AGBL4: variants seen among roughly 807,000 people sequenced by gnomAD.
AGBL4 encodes AGBL carboxypeptidase 4, also known as cytosolic carboxypeptidase 6.
Under a neutral mutation model 66.4 loss-of-function variants are expected in AGBL4, and 58 were observed. The ratio of observed to expected loss-of-function variants is 0.87; its 90% CI spans 0.71 to 1.09. The LOEUF is 1.09. Among genes scored for constraint, AGBL4 ranks in the 50% least tolerant of loss-of-function variants. The probability of loss-of-function intolerance (pLI) is 0.00; values close to 1 mark genes in which losing one functional copy is unlikely to be tolerated. For missense variants in AGBL4, 579 were observed against 631.0 expected (o/e 0.92, Z 0.88); for synonymous variants, 234 against 222.9 (o/e 1.05, Z -0.44).
chr1:48,916,007 T>C (rs1653553931), intron 5 of AGBL4, among the ~76,000 whole-genome samples: 1 of 151,624 alleles, frequency 6.6e-6, no homozygotes, highest in Non-Finnish European at 1.5e-5. Context: ...CTAGAGAGAG[T>C]GGAAGAAAGT....
chr1:49,566,450 T>G (rs1467445540), intron 3 of AGBL4, among the ~76,000 whole-genome samples: 1 of 152,192 alleles, frequency 6.6e-6, no homozygotes, highest in Admixed American at 6.5e-5. Flanking sequence ...TGGTCTTTGA[T>G]GATGGTAATG....
At chr1:49,354,898 G>A (rs1273892987) in intron 3 of AGBL4, among the ~76,000 whole-genome samples, 6 of 152,198 alleles carry the variant, frequency 3.9e-5, no homozygotes, top group Non-Finnish European at 8.8e-5. Context: ...TGTAGCTGGA[G>A]CCTATCCCAG....
At chr1:49,595,279 C>T (rs779130576) in intron 3 of AGBL4, among the ~76,000 whole-genome samples, 6 of 152,030 alleles carry the variant, frequency 3.9e-5, no homozygotes, top group South Asian at 2.1e-4. Flanking sequence ...TTAGTAGAGA[C>T]GGGGTTTCAC....
At chr1:49,349,699 C>A (rs1358101452) in intron 3 of AGBL4, among the ~76,000 whole-genome samples, 1 of 152,150 alleles carries the variant, frequency 6.6e-6, no homozygotes, top group African/African-American at 2.4e-5. Flanking sequence ...GTGTTATGGG[C>A]TGAATTATAT....
chr1:49,525,809 C>T (rs975303080), intron 3 of AGBL4, among the ~76,000 whole-genome samples: 11 of 151,892 alleles, frequency 7.2e-5, no homozygotes, highest in African/African-American at 2.4e-4. Context: ...GCCTCTGCAC[C>T]GGGCACAGTG....
At chr1:48,744,308 A>G (rs1355618154) in intron 6 of AGBL4, among the ~76,000 whole-genome samples, 2 of 152,250 alleles carry the variant, frequency 1.3e-5, no homozygotes, top group Admixed American at 1.3e-4. Context: ...GTAATTCTAA[A>G]GTTTCAGAAG....
At chr1:49,384,657 T>G (rs1644698099) in intron 3 of AGBL4, among the ~76,000 whole-genome samples, 2 of 152,090 alleles carry the variant, frequency 1.3e-5, no homozygotes, top group Admixed American at 6.6e-5. Flanking sequence ...AGATGTTTAC[T>G]CTCATTATCA....
At chr1:49,350,926 C>T (rs1645740759) in intron 3 of AGBL4, among the ~76,000 whole-genome samples, 1 of 152,166 alleles carries the variant, frequency 6.6e-6, no homozygotes, top group South Asian at 2.1e-4. Flanking sequence ...CTCCCATTAT[C>T]TGGATTTTCA....
At chr1:49,087,602 C>A (rs1644931046) in intron 4 of AGBL4, among the ~76,000 whole-genome samples, 1 of 152,116 alleles carries the variant, frequency 6.6e-6, no homozygotes, top group Admixed American at 6.6e-5. Context: ...AGAGACAAAT[C>A]TTTAACTCAC....
At chr1:49,075,460 A>G (rs536388771) in intron 4 of AGBL4, among the ~76,000 whole-genome samples, 92 of 152,228 alleles carry the variant, frequency 6.0e-4, no homozygotes, top group African/African-American at 2.1e-3. Context: ...GTTACTCACA[A>G]TTTTTCCTGG....
chr1:49,738,217 G>C (rs1221071600), intron 2 of AGBL4, among the ~76,000 whole-genome samples: 1 of 152,236 alleles, frequency 6.6e-6, no homozygotes, highest in Admixed American at 6.5e-5. Context: ...CTAACACTGA[G>C]CTTTTCCAAC....
At chr1:49,509,543 A>T (rs1558007342) in intron 3 of AGBL4, among the ~76,000 whole-genome samples, 1 of 151,946 alleles carries the variant, frequency 6.6e-6, no homozygotes, top group Non-Finnish European at 1.5e-5. Flanking sequence ...TGCAGCTAGA[A>T]ATAAGGACAC....
intron 3 of AGBL4, among the ~76,000 whole-genome samples, chr1:49,499,151 G>C (rs1347320599): frequency 6.6e-6 from 1 of 151,802 alleles, no homozygotes; most frequent in Non-Finnish European, 1.5e-5. Flanking sequence ...TTCTTTAAAT[G>C]TGGTAGAATC....
At chr1:49,132,762 G>C (rs1645925435) in intron 4 of AGBL4, among the ~76,000 whole-genome samples, 1 of 152,208 alleles carries the variant, frequency 6.6e-6, no homozygotes, top group Non-Finnish European at 1.5e-5. Context: ...AGGATGTGGA[G>C]AAATAGGAAT....
chr1:49,381,824 C>T lies in AGBL4; in HGVS notation c.283-135960G>A, dbSNP rs553848891. Among the ~76,000 whole-genome samples the T allele has an allele frequency of 4.3e-3, 555 of 128,372 alleles. 7 individuals carry two copies. The highest frequency in any genetic ancestry group is 0.015 in the African/African-American group (515 of 33,332). 84.2% of individuals were successfully genotyped at this position (128,372 alleles called of 152,430 possible). A position where few individuals can be genotyped will look rare whatever the true frequency, so the allele number is the denominator to read the frequency against. ...GAACACATGGACACTGGAAGGGGAA[C>T]ATCACACTCTGGGGACTGTGGTGGG... is the stretch of plus-strand genomic sequence containing the variant. On this transcript the variant is annotated intron_variant, in intron 3 of 13. Transcript: ENST00000371839.
intron 3 of AGBL4, among the ~76,000 whole-genome samples, chr1:49,694,048 A>G (rs1470855577): frequency 6.6e-6 from 1 of 152,204 alleles, no homozygotes; most frequent in African/African-American, 2.4e-5. Flanking sequence ...ACATCAAGAA[A>G]TACAACGCAA....
At chr1:48,544,115 A>T (rs964335279) in intron 11 of AGBL4, among the ~76,000 whole-genome samples, 3 of 152,228 alleles carry the variant, frequency 2.0e-5, no homozygotes, top group Non-Finnish European at 4.4e-5. Context: ...CTGCAGGCTC[A>T]CTGGGCTCTG....
chr1:49,214,073 C>T (rs1391789535), intron 4 of AGBL4, among the ~76,000 whole-genome samples: 1 of 152,004 alleles, frequency 6.6e-6, no homozygotes, highest in African/African-American at 2.4e-5. Context: ...AATAAAGCTC[C>T]CTATCCAGAG....
intron 4 of AGBL4, among the ~76,000 whole-genome samples, chr1:49,239,650 G>A (rs1479654475): frequency 2.0e-5 from 3 of 151,882 alleles, no homozygotes; most frequent in African/African-American, 7.3e-5. Context: ...AAACTAAAAA[G>A]GAAAATGTAA....
Sources: gnomAD v4.1 joint callset for allele counts (sites outside exome capture counted in the v4.1 genomes callset) on GRCh38, gnomAD v4.1.1 for gene constraint, MANE v1.5 for transcripts, NCBI Gene and HGNC (gene_info 2026-07-23, HGNC 2026-07-21) for gene names.